PHF20L1: variants seen among roughly 807,000 people sequenced by gnomAD.
PHF20L1 encodes the protein PHD finger protein 20-like protein 1.
A neutral mutation model predicts 125.5 loss-of-function variants in PHF20L1; 44 were observed. The observed-to-expected ratio is 0.35, with a 90% confidence interval of 0.28 to 0.45. The LOEUF is 0.45. Among genes scored for constraint, PHF20L1 ranks in the 20% least tolerant of loss-of-function variants. PHF20L1 has a pLI of 1.00. For synonymous variants in PHF20L1, 380 were observed against 403.1 expected (o/e 0.94, Z 0.69); for missense variants, 1,012 against 1,217.2 (o/e 0.83, Z 2.51).
intron 2 of PHF20L1, among the ~76,000 whole-genome samples, chr8:132,785,632 A>G (rs902181251): frequency 1.3e-5 from 2 of 152,176 alleles, no homozygotes; most frequent in South Asian, 4.1e-4. Flanking sequence ...TTCTTGCTAC[A>G]GATGGTTAGC....
At chr8:132,826,741 A>C (rs2131800198) in intron 14 of PHF20L1, 1 of 152,164 alleles carries the variant, frequency 6.6e-6, no homozygotes, top group East Asian at 1.9e-4. Flanking sequence ...ATCAGTTCAA[A>C]CTGGAAAATG....
Position 132,832,280 on chromosome 8 carries a change from G to A in PHF20L1, c.1790G>A (p.Cys597Tyr). The change falls in exon 15 of 21, where the codon TGC becomes TAC. Residue 597 changes from cysteine (C) to tyrosine (Y), a missense_variant. Transcript: ENST00000395386. ...AGTTCCCTCGAATTTTTGGAAAGGT[G>A]CTCTTCTCCACTAACTCGATCTTCT... Reference protein sequence around the residue: ...EDSSLEFLERCSSPLTRSSGS... With the variant: ...EDSSLEFLERYSSPLTRSSGS... 1 of 1,606,472 alleles carries A rather than the reference G, an allele frequency of 6.2e-7. No individual in the cohort carries two copies. Among genetic ancestry groups the A allele is most frequent in the African/African-American group, 1.3e-5 (1 of 74,840 alleles).
chr8:132,799,225 C>A, intron 6 of PHF20L1, 53 bp downstream of exon 6: 1 of 1,023,010 alleles, frequency 9.8e-7, no homozygotes, highest in Middle Eastern at 2.5e-4. Context: ...TATATAATGT[C>A]ATTTAGAAAG....
At chr8:132,840,598 A>G (rs541822380) in intron 18 of PHF20L1, among the ~76,000 whole-genome samples, 2 of 152,120 alleles carry the variant, frequency 1.3e-5, no homozygotes, top group East Asian at 3.9e-4. Flanking sequence ...TTGCCACATA[A>G]TCCCTGTGCT....
intron 9 of PHF20L1, chr8:132,812,070 A>G (rs1015078142): frequency 1.1e-5 from 11 of 983,228 alleles, no homozygotes; most frequent in South Asian, 4.7e-5. Context: ...TATTAAATCA[A>G]TGGGTCTTTT....
Position 132,794,725 on chromosome 8 carries a change from T to G in PHF20L1, c.256-8T>G. The G allele has an allele frequency of 6.2e-7, 1 of 1,607,468 alleles. No homozygotes were observed. Among genetic ancestry groups the G allele is most frequent in the Non-Finnish European group, 8.5e-7 (1 of 1,175,038 alleles). On this transcript the variant is annotated splice_polypyrimidine_tract_variant and splice_region_variant and intron_variant, in intron 3 of 20. Coordinates refer to ENST00000395386, the MANE Select transcript of PHF20L1 (RefSeq NM_016018.5). ...CATGGAATTGATCTTAAAAGTTGTT[T>G]AAAATAGGATTTTAAAGCTGGAGAA...
intron 2 of PHF20L1, among the ~76,000 whole-genome samples, chr8:132,788,171 C>T (rs1440787864): frequency 1.3e-5 from 2 of 152,072 alleles, no homozygotes; most frequent in Admixed American, 1.3e-4. Context: ...TTTCTGTGTG[C>T]TAGCATAATG....
At chr8:132,781,527 C>G (rs1563775742) in intron 2 of PHF20L1, among the ~76,000 whole-genome samples, 1 of 152,176 alleles carries the variant, frequency 6.6e-6, no homozygotes, top group Non-Finnish European at 1.5e-5. Flanking sequence ...CTCTCAGGTT[C>G]AAGTGATTCC....
At chr8:132,838,139 A>G (rs1195755432) in intron 17 of PHF20L1, 1 of 199,180 alleles carries the variant, frequency 5.0e-6, no homozygotes, top group African/African-American at 2.3e-5. Context: ...ATATTTTTTC[A>G]CTGTTACATT....
At chr8:132,834,643 C>T (rs938304112) in intron 15 of PHF20L1, among the ~76,000 whole-genome samples, 10 of 152,002 alleles carry the variant, frequency 6.6e-5, no homozygotes, top group Non-Finnish European at 1.3e-4. Flanking sequence ...CCATTTAATA[C>T]TGTTTATATG....
chr8:132,842,122 T>C (rs1364264196), intron 18 of PHF20L1: 1 of 156,866 alleles, frequency 6.4e-6, no homozygotes, highest in Non-Finnish European at 1.4e-5. Context: ...ATTTTTACTT[T>C]CTGTGCATTT....
chr8:132,806,525 T>A (rs1833725232), intron 8 of PHF20L1: 1 of 152,028 alleles, frequency 6.6e-6, no homozygotes, highest in Admixed American at 6.6e-5. Context: ...TATGATCTTT[T>A]TATTTACTTA....
intron 8 of PHF20L1, chr8:132,810,567 T>A (rs571949226): frequency 5.1e-5 from 8 of 155,774 alleles, no homozygotes; most frequent in African/African-American, 1.9e-4. Context: ...AAGCTTAGAT[T>A]AAAAGGATCT....
chr8:132,781,077 C>T (rs1830373454), intron 2 of PHF20L1, among the ~76,000 whole-genome samples: 2 of 151,962 alleles, frequency 1.3e-5, no homozygotes, highest in African/African-American at 2.4e-5. Flanking sequence ...TCTGGAATTC[C>T]TGGCCTCAAA....
rs1409376782 is a variant in PHF20L1 at position 132,817,711 on chromosome 8, C to CTTTT, written c.1579+167_1579+170dup. The CTTTT allele has an allele frequency of 6.7e-6, 4 of 593,022 alleles. No individual in the cohort carries two copies. The African/African-American group carries it at 7.5e-5, about 11-fold the overall frequency. The allele number at this position is 593,022 out of a possible 1,614,324, so 36.7% of individuals were successfully genotyped here. Reference sequence around the variant, plus strand: ...AGAGTTTCATCTCCGTTTTAAAGGTCTTTTGTGTGATCATTTTACAATCAT... The same window carrying CTTTT: ...AGAGTTTCATCTCCGTTTTAAAGGTCTTTTTTTTGTGTGATCATTTTACAATCAT... On this transcript the variant is annotated intron_variant, in intron 12 of 20. Coordinates refer to ENST00000395386, the MANE Select transcript of PHF20L1 (RefSeq NM_016018.5).
chr8:132,798,431 A>G (rs1832671199), intron 4 of PHF20L1, among the ~76,000 whole-genome samples: 1 of 152,006 alleles, frequency 6.6e-6, no homozygotes, highest in Admixed American at 6.6e-5. Context: ...CTATGGAAAT[A>G]TTATATATTT....
intron 9 of PHF20L1, chr8:132,812,179 A>G: frequency 2.0e-6 from 2 of 981,012 alleles, no homozygotes; most frequent in Non-Finnish European, 2.4e-6. Flanking sequence ...ACCAAATTTT[A>G]AATAACTTTT....
intron 18 of PHF20L1, chr8:132,841,425 A>G (rs898805631): frequency 6.6e-6 from 1 of 152,094 alleles, no homozygotes; most frequent in Admixed American, 6.6e-5. Context: ...TGAATATTAA[A>G]CTACTAGGGA....
rs751188782 is a variant in PHF20L1 at position 132,846,229 on chromosome 8, C to T, written c.*306C>T. The T allele has an allele frequency of 9.1e-5, 19 of 208,030 alleles. No individual in the cohort carries two copies. Among genetic ancestry groups the T allele is most frequent in the South Asian group, 1.6e-4 (1 of 6,340 alleles). 12.9% of individuals were successfully genotyped at this position (208,030 alleles called of 1,614,324 possible). ...CTCAGAATTTTTGAGTAGTTGCTTA[C>T]GTGAAGCTCAAGATACCTGTAGAAA... On this transcript the variant is annotated 3_prime_UTR_variant, in exon 21 of 21. Coordinates refer to ENST00000395386, the MANE Select transcript of PHF20L1 (RefSeq NM_016018.5).
Sources: allele counts gnomAD v4.1 joint callset (sites outside exome capture counted in the v4.1 genomes callset), GRCh38; gene constraint gnomAD v4.1.1; transcripts MANE v1.5; gene names NCBI Gene and HGNC (gene_info 2026-07-23, HGNC 2026-07-21).